The following ABCB11 variants were observed in gnomAD, a reference collection of about 807,000 sequenced individuals.
ABCB11 encodes ATP binding cassette subfamily B member 11.
A neutral mutation model predicts 148.0 loss-of-function variants in ABCB11; 95 were observed. The ratio of observed to expected loss-of-function variants is 0.64; its 90% confidence interval spans 0.54 to 0.76. The LOEUF is 0.76. ABCB11 is among the 30% of genes least tolerant of loss of function. The pLI, the probability that ABCB11 is intolerant of heterozygous loss-of-function variation, is 0.00. For missense variants in ABCB11, 1,523 were observed against 1,617.8 expected (o/e 0.94, Z 1.01); for synonymous variants, 591 against 555.4 (o/e 1.06, Z -0.90).
chr2:169,009,762 A>G (rs546921937), intron 5 of ABCB11, among the ~76,000 whole-genome samples: 1 of 152,156 alleles, frequency 6.6e-6, no homozygotes, highest in African/African-American at 2.4e-5. Flanking sequence ...ATGTTCTAAA[A>G]TTGACTGTGG....
chr2:168,984,414 A>G lies in ABCB11; in HGVS notation c.1083+1696T>C, dbSNP rs149079170. Among the ~76,000 whole-genome samples, 7 of 152,332 alleles carry G rather than the reference A, an allele frequency of 4.6e-5. No homozygotes were observed. The East Asian group carries it at 1.4e-3, about 29-fold the overall frequency. The stretch of plus-strand genomic sequence containing the variant: ...ATTTTCTAAGTGTCTGGCACATAGT[A>G]GATGCTGAATAATTACTTATTGAAT... On this transcript the variant is annotated intron_variant, in intron 10 of 27. Coordinates refer to ENST00000650372, the MANE Select transcript of ABCB11 (RefSeq NM_003742.4).
At chr2:168,958,414 T>C (rs1692898917) in intron 18 of ABCB11, among the ~76,000 whole-genome samples, 1 of 151,614 alleles carries the variant, frequency 6.6e-6, no homozygotes, top group Non-Finnish European at 1.5e-5. Context: ...AATAAATATG[T>C]TGGATCTTGG....
downstream of ABCB11, among the ~76,000 whole-genome samples, chr2:168,919,539 C>T (rs1054858207): frequency 2.0e-5 from 3 of 152,088 alleles, no homozygotes; most frequent in Admixed American, 6.5e-5. Flanking sequence ...TCCTAATCAT[C>T]CTGGAGATTC....
intron 8 of ABCB11, 118 bp from the exon 9 acceptor site, chr2:168,991,043 TAAC>T: frequency 8.2e-7 from 1 of 1,212,340 alleles, no homozygotes; most frequent in Non-Finnish European, 1.1e-6. Flanking sequence ...ATTCTCACTG[TAAC>T]ATCATTGACA....
intron 10 of ABCB11, among the ~76,000 whole-genome samples, chr2:168,981,311 C>T (rs911164790): frequency 6.6e-6 from 1 of 152,254 alleles, no homozygotes; most frequent in Non-Finnish European, 1.5e-5. Context: ...CTCACGCTTT[C>T]TCCCTAGAAT....
At chr2:168,943,605 T>A (rs1443149184) in intron 21 of ABCB11, among the ~76,000 whole-genome samples, 1 of 152,064 alleles carries the variant, frequency 6.6e-6, no homozygotes, top group Non-Finnish European at 1.5e-5. Context: ...AGTGTAACCC[T>A]AAGTCTATGG....
At chr2:168,995,269 T>A (rs1455175392) in intron 7 of ABCB11, 80 bp downstream of exon 7, 7 of 1,467,024 alleles carry the variant, frequency 4.8e-6, no homozygotes, top group Admixed American at 4.5e-5. Flanking sequence ...AAAATATTTT[T>A]AAATTTTTAT....
At chr2:168,950,134 T>TACACACACACACAC (rs767462084) in intron 19 of ABCB11, among the ~76,000 whole-genome samples, 1 of 74,490 alleles carries the variant, frequency 1.3e-5, no homozygotes, top group African/African-American at 4.6e-5. Context: ...CTCCCATATA[T>TACACACACACACAC]ATATATACAC....
intron 21 of ABCB11, 96 bp downstream of exon 21, chr2:168,944,509 C>T (rs1692211363): frequency 7.4e-7 from 1 of 1,352,462 alleles, no homozygotes; most frequent in South Asian, 1.5e-5. Flanking sequence ...CCACTGGTCC[C>T]TATTCCATAG....
At chr2:168,999,258 CT>C (rs1000842139) in intron 5 of ABCB11, among the ~76,000 whole-genome samples, 30 of 150,776 alleles carry the variant, frequency 2.0e-4, no homozygotes, top group African/African-American at 7.3e-4. Context: ...TTCTTTTTAC[CT>C]TGTTTTGGAA....
In ABCB11 at chr2:168,975,763, T is replaced by C. The variant is rs1030913020; in HGVS notation, c.1308+814A>G. Among the ~76,000 whole-genome samples the C allele has an allele frequency of 1.1e-4, 16 of 146,582 alleles. 5 individuals are homozygous for C. The highest frequency in any genetic ancestry group is 7.9e-4 in the East Asian group (4 of 5,084). On this transcript the variant is annotated intron_variant, in intron 12 of 27. Transcript: ENST00000650372. ...GAGAGAATGATATATATATCATATA[T>C]ATATCACAGATATATGATATATATA...
intron 7 of ABCB11, among the ~76,000 whole-genome samples, chr2:168,994,500 A>G (rs13404014): frequency 0.05 from 7,581 of 152,152 alleles, 629 homozygotes; most frequent in African/African-American, 0.17. Flanking sequence ...TCTGTAAAAT[A>G]AGAACAATAA....
At chr2:169,018,213 GT>G (rs1573985248) in intron 1 of ABCB11, 61 bp from the exon 2 acceptor site, 1 of 1,450,408 alleles carries the variant, frequency 6.9e-7, no homozygotes, top group African/African-American at 1.4e-5. Flanking sequence ...TTTAATCAAA[GT>G]AGCCAAACGA....
At chr2:168,959,827 G>T (rs187759760) in intron 18 of ABCB11, among the ~76,000 whole-genome samples, 55 of 150,598 alleles carry the variant, frequency 3.7e-4, no homozygotes, top group South Asian at 3.1e-3. Flanking sequence ...GGGTTGGGTT[G>T]GGGAGCCAGT....
intron 10 of ABCB11, among the ~76,000 whole-genome samples, chr2:168,980,689 C>T (rs1694104506): frequency 6.6e-6 from 1 of 152,082 alleles, no homozygotes; most frequent in Non-Finnish European, 1.5e-5. Context: ...TACCTAGCTC[C>T]CAGACTCACC....
intron 18 of ABCB11, 28 bp downstream of exon 18, chr2:168,964,178 T>C: frequency 1.5e-5 from 22 of 1,504,290 alleles, no homozygotes; most frequent in Non-Finnish European, 2.0e-5. Context: ...CTTCTTCCAT[T>C]CCCCCCCATA....
intron 10 of ABCB11, among the ~76,000 whole-genome samples, chr2:168,982,778 G>A (rs1033381851): frequency 1.3e-5 from 2 of 152,140 alleles, no homozygotes; most frequent in Middle Eastern, 3.4e-3. Flanking sequence ...GAGAGAGAGA[G>A]CGAGCGAGAG....
intron 19 of ABCB11, among the ~76,000 whole-genome samples, chr2:168,954,413 T>C (rs543995059): frequency 6.6e-6 from 1 of 151,590 alleles, no homozygotes; most frequent in Non-Finnish European, 1.5e-5. Flanking sequence ...TCCAATCTAG[T>C]GGTGATAATT....
chr2:169,001,820 A>G (rs1379136974), intron 5 of ABCB11, among the ~76,000 whole-genome samples: 1 of 152,220 alleles, frequency 6.6e-6, no homozygotes, highest in East Asian at 1.9e-4. Context: ...AATCTAGTAC[A>G]TATCAGGCAT....
Sources: allele counts gnomAD v4.1 joint callset (sites outside exome capture counted in the v4.1 genomes callset), GRCh38; gene constraint gnomAD v4.1.1; transcripts MANE v1.5; gene names NCBI Gene and HGNC (gene_info 2026-07-23, HGNC 2026-07-21).